ATE1: variants seen among roughly 807,000 people sequenced by gnomAD.
ATE1 encodes the protein arginyltransferase 1.
A neutral mutation model predicts 70.5 loss-of-function variants in ATE1; 36 were observed. The ratio of observed to expected loss-of-function variants is 0.51; its 90% CI spans 0.39 to 0.67. ATE1 has a LOEUF of 0.67. Among genes scored for constraint, ATE1 ranks in the 30% least tolerant of loss-of-function variants. ATE1 has a pLI of 0.00. For missense variants in ATE1, 593 were observed against 629.5 expected (o/e 0.94, Z 0.62); for synonymous variants, 232 against 219.3 (o/e 1.06, Z -0.51).
At chr10:121,830,821 C>T (rs533668270) in intron 10 of ATE1, among the ~76,000 whole-genome samples, 1 of 152,200 alleles carries the variant, frequency 6.6e-6, no homozygotes, top group East Asian at 1.9e-4. Flanking sequence ...TACAAAATCA[C>T]TAGGTTTACT....
chr10:121,883,009 G>T (rs1950272340), intron 7 of ATE1, among the ~76,000 whole-genome samples: 1 of 151,856 alleles, frequency 6.6e-6, no homozygotes, highest in Non-Finnish European at 1.5e-5. Flanking sequence ...TGAAAATGAG[G>T]ACTCAAAAAG....
chr10:121,780,326 C>T (rs1311616652), intron 11 of ATE1, among the ~76,000 whole-genome samples: 1 of 152,196 alleles, frequency 6.6e-6, no homozygotes, highest in African/African-American at 2.4e-5. Context: ...AACTCTTTCC[C>T]TCCCCACCAC....
intron 8 of ATE1, among the ~76,000 whole-genome samples, chr10:121,855,340 G>A (rs4752611): frequency 0.31 from 47,346 of 152,096 alleles, 7,674 homozygotes; most frequent in South Asian, 0.43. Flanking sequence ...TTCATTTATG[G>A]TCTCTGTTGG....
At chr10:121,822,179 T>G (rs561888785) in intron 10 of ATE1, among the ~76,000 whole-genome samples, 16 of 152,314 alleles carry the variant, frequency 1.1e-4, no homozygotes, top group African/African-American at 3.8e-4. Flanking sequence ...ATGTGGTATA[T>G]TCATTAAATA....
At chr10:121,816,440 A>G (rs574987877) in intron 10 of ATE1, among the ~76,000 whole-genome samples, 1 of 152,328 alleles carries the variant, frequency 6.6e-6, no homozygotes, top group African/African-American at 2.4e-5. Flanking sequence ...TCAATGGACT[A>G]GTGCCTTAGG....
At chr10:121,919,421 T>C (rs1191671151) in intron 3 of ATE1, among the ~76,000 whole-genome samples, 2 of 151,716 alleles carry the variant, frequency 1.3e-5, no homozygotes, top group African/African-American at 2.4e-5. Flanking sequence ...ATTAGCCAGG[T>C]GTGGTGGTGC....
intron 10 of ATE1, among the ~76,000 whole-genome samples, chr10:121,799,664 A>G (rs999658005): frequency 6.6e-6 from 1 of 152,214 alleles, no homozygotes; most frequent in African/African-American, 2.4e-5. Context: ...TAGATTAGTT[A>G]TAAAGAGTAA....
At chr10:121,886,770 C>T (rs2134161422) in intron 7 of ATE1, among the ~76,000 whole-genome samples, 1 of 152,122 alleles carries the variant, frequency 6.6e-6, no homozygotes, top group Non-Finnish European at 1.5e-5. Context: ...AACTGGTTTC[C>T]TTGTATGTCA....
intron 3 of ATE1, among the ~76,000 whole-genome samples, chr10:121,922,075 A>G (rs540818095): frequency 1.4e-4 from 21 of 152,340 alleles, no homozygotes; most frequent in African/African-American, 4.6e-4. Context: ...CATTTTCCCA[A>G]TATTTCATGG....
chr10:121,887,659 T>C (rs1950447153), intron 7 of ATE1, among the ~76,000 whole-genome samples: 1 of 152,024 alleles, frequency 6.6e-6, no homozygotes, highest in Non-Finnish European at 1.5e-5. Context: ...TGAGCTATGA[T>C]CACGCCACTT....
intron 9 of ATE1, among the ~76,000 whole-genome samples, chr10:121,837,937 C>T (rs933568873): frequency 4.6e-5 from 7 of 152,120 alleles, no homozygotes; most frequent in East Asian, 1.9e-4. Context: ...CACCTCTCTC[C>T]GGATTTGTTC....
chr10:121,897,627 A>C (rs548887848), intron 7 of ATE1, among the ~76,000 whole-genome samples: 21 of 152,288 alleles, frequency 1.4e-4, no homozygotes, highest in Admixed American at 7.2e-4. Context: ...AGAGATCAAG[A>C]CCAACCTAGC....
chr10:121,806,408 A>G (rs1947097434), intron 10 of ATE1, among the ~76,000 whole-genome samples: 1 of 152,114 alleles, frequency 6.6e-6, no homozygotes, highest in Non-Finnish European at 1.5e-5. Context: ...AGCTGTATTC[A>G]CACCACTGTA....
intron 11 of ATE1, among the ~76,000 whole-genome samples, chr10:121,762,481 T>C (rs1380281223): frequency 6.6e-6 from 1 of 152,140 alleles, no homozygotes; most frequent in Non-Finnish European, 1.5e-5. Flanking sequence ...TGAAAAAAAA[T>C]GCATCTCCTG....
rs79133714 is a variant in ATE1, at chr10:121,783,850, G to A, written c.1378+6319C>T. On this transcript the variant is annotated intron_variant, in intron 11 of 11. Coordinates refer to ENST00000224652, the MANE Select transcript of ATE1 (RefSeq NM_001001976.3). ...CTACAGAATTAAATGAAATAAATGA[G>A]CAACTATAAAAGGAACTGCTTGTTT... is the stretch of plus-strand genomic sequence containing the variant. Among the ~76,000 whole-genome samples, 1,091 of 152,212 alleles carry A rather than the reference G, an allele frequency of 7.2e-3. 20 individuals carry two copies. Among genetic ancestry groups the A allele is most frequent in the African/African-American group, 0.025 (1,051 of 41,528 alleles).
intron 10 of ATE1, among the ~76,000 whole-genome samples, chr10:121,796,448 T>G (rs1946662243): frequency 6.6e-6 from 1 of 152,196 alleles, no homozygotes; most frequent in African/African-American, 2.4e-5. Flanking sequence ...CGATTTTAAC[T>G]TCTGCAACTA....
At chr10:121,868,627 GTAT>G (rs1408284345) in intron 8 of ATE1, among the ~76,000 whole-genome samples, 3 of 152,124 alleles carry the variant, frequency 2.0e-5, no homozygotes, top group African/African-American at 7.2e-5. Flanking sequence ...ATCCCTGTAA[GTAT>G]TATTATCTCC....
intron 7 of ATE1, among the ~76,000 whole-genome samples, chr10:121,873,657 C>CAAAAAA: frequency 6.8e-6 from 1 of 147,214 alleles, no homozygotes; most frequent in African/African-American, 2.5e-5. Context: ...AAGATCCTAG[C>CAAAAAA]AATTTGGATG....
intron 11 of ATE1, among the ~76,000 whole-genome samples, chr10:121,785,181 C>G (rs1053931946): frequency 1.3e-5 from 2 of 151,996 alleles, no homozygotes; most frequent in African/African-American, 4.8e-5. Context: ...AGTTTGACCT[C>G]AAATGCAGAT....
Sources: allele counts gnomAD v4.1 joint callset (sites outside exome capture counted in the v4.1 genomes callset), GRCh38; gene constraint gnomAD v4.1.1; transcripts MANE v1.5; gene names NCBI Gene and HGNC (gene_info 2026-07-23, HGNC 2026-07-21).